The following TTC27 variants were observed in gnomAD, a reference collection of about 807,000 sequenced individuals.
TTC27 encodes the protein tetratricopeptide repeat domain 27.
In TTC27, 79 loss-of-function variants were observed where a neutral mutation model predicts 115.9. The ratio of observed to expected loss-of-function variants is 0.68; its 90% confidence interval spans 0.57 to 0.82. The LOEUF (loss-of-function observed/expected upper bound fraction) is 0.82, where lower values mean the gene tolerates loss of function less well. TTC27 is among the 40% of genes least tolerant of loss of function. The probability of loss-of-function intolerance (pLI) is 0.00; values close to 1 mark genes in which losing one functional copy is unlikely to be tolerated. For synonymous variants in TTC27, 401 were observed against 356.0 expected (o/e 1.13, Z -1.42); for missense variants, 1,054 against 993.1 (o/e 1.06, Z -0.82).
At chr2:32,812,835 T>C (rs1671362401) in intron 18 of TTC27, among the ~76,000 whole-genome samples, 1 of 152,224 alleles carries the variant, frequency 6.6e-6, no homozygotes, top group Admixed American at 6.5e-5. Flanking sequence ...TTATATTCTG[T>C]TGGAGTAAGT....
At chr2:32,645,466 A>C (rs1036446338) in intron 4 of TTC27, among the ~76,000 whole-genome samples, 1 of 152,172 alleles carries the variant, frequency 6.6e-6, no homozygotes, top group African/African-American at 2.4e-5. Context: ...CAGGAGATAA[A>C]ATCTAGAAAT....
At chr2:32,794,693 T>C (rs1175495556) in intron 16 of TTC27, among the ~76,000 whole-genome samples, 3 of 151,932 alleles carry the variant, frequency 2.0e-5, no homozygotes, top group Non-Finnish European at 4.4e-5. Context: ...AACCTTTAGA[T>C]AGATGGACTA....
chr2:32,674,863 T>C (rs771281282), intron 8 of TTC27, among the ~76,000 whole-genome samples: 31 of 152,052 alleles, frequency 2.0e-4, no homozygotes, highest in Non-Finnish European at 4.0e-4. Flanking sequence ...GGGGTTTCAC[T>C]GTGTTAGCCA....
chr2:32,758,931 A>T (rs1669339481), intron 13 of TTC27, among the ~76,000 whole-genome samples: 1 of 152,228 alleles, frequency 6.6e-6, no homozygotes, highest in South Asian at 2.1e-4. Context: ...GATAGCATAT[A>T]GAATGGATTC....
At chr2:32,747,323 T>C (rs941961241) in intron 12 of TTC27, among the ~76,000 whole-genome samples, 1 of 152,176 alleles carries the variant, frequency 6.6e-6, no homozygotes, top group African/African-American at 2.4e-5. Flanking sequence ...CCATCGTAAG[T>C]TGAAAATAAT....
chr2:32,761,231 T>C (rs1370310274), intron 13 of TTC27, among the ~76,000 whole-genome samples: 1 of 152,156 alleles, frequency 6.6e-6, no homozygotes, highest in Non-Finnish European at 1.5e-5. Context: ...TTAATTCCTC[T>C]TACCCGTATA....
intron 3 of TTC27, among the ~76,000 whole-genome samples, chr2:32,635,589 C>T (rs1444105273): frequency 6.6e-6 from 1 of 152,078 alleles, no homozygotes; most frequent in Admixed American, 6.5e-5. Flanking sequence ...GAGGCTGAGG[C>T]AGGACAATTG....
chr2:32,685,306 A>C (rs1352364943), intron 9 of TTC27, among the ~76,000 whole-genome samples: 1 of 152,132 alleles, frequency 6.6e-6, no homozygotes, highest in Non-Finnish European at 1.5e-5. Flanking sequence ...CTGGGATTGC[A>C]GGCATGAGCC....
At position 32,725,389 on chromosome 2, in the gene TTC27, A is replaced by G. The variant is rs924057379; in HGVS notation, c.1234-8439A>G. ...ATTGGGGTGCAGGCATTGGGTAAAT[A>G]CAGCCATTCCAAATGGGAGAAATTG... On this transcript the variant is annotated intron_variant, in intron 10 of 19. Coordinates refer to ENST00000317907, the MANE Select transcript of TTC27 (RefSeq NM_017735.5). Among the ~76,000 whole-genome samples the G allele has an allele frequency of 3.9e-5, 6 of 152,158 alleles. No homozygotes were observed. The East Asian group carries it at 1.2e-3, about 29-fold the overall frequency.
intron 16 of TTC27, among the ~76,000 whole-genome samples, chr2:32,805,393 T>A (rs918648440): frequency 2.0e-5 from 3 of 152,248 alleles, no homozygotes; most frequent in Non-Finnish European, 4.4e-5. Context: ...TCCAGCTTCA[T>A]GACTCACTTG....
intron 10 of TTC27, among the ~76,000 whole-genome samples, chr2:32,706,601 G>C (rs1667376837): frequency 6.6e-6 from 1 of 152,042 alleles, no homozygotes; most frequent in South Asian, 2.1e-4. Context: ...TGTTACTCTT[G>C]TCGCCCAGGC....
intron 16 of TTC27, among the ~76,000 whole-genome samples, chr2:32,798,407 A>G (rs7586733): frequency 0.17 from 24,572 of 145,760 alleles, 2,825 homozygotes; most frequent in African/African-American, 0.34. Context: ...CTCAAAAAAA[A>G]GAAAGAAAGA....
chr2:32,777,877 T>C lies in TTC27; in HGVS notation c.1681-5T>C. The stretch of plus-strand genomic sequence containing the variant: ...TTGAATGACTTTGACTTTTGGTCTT[T>C]GCAGCTCGGGGTGTGGTTTTCTCTC... On this transcript the variant is annotated splice_region_variant and splice_polypyrimidine_tract_variant and intron_variant, in intron 13 of 19. Coordinates refer to ENST00000317907, the MANE Select transcript of TTC27 (RefSeq NM_017735.5). 6.2e-7 allele frequency: 1 copy of C among 1,613,976 alleles called. No homozygotes were observed. Among genetic ancestry groups the C allele is most frequent in the Non-Finnish European group, 8.5e-7 (1 of 1,179,958 alleles).
In TTC27 at chr2:32,798,713, A is replaced by AAATAATAATAAT. The variant is rs200425222; in HGVS notation, c.1998+11579_1998+11590dup. Among the ~76,000 whole-genome samples the AAATAATAATAAT allele has an allele frequency of 8.4e-5, 12 of 142,354 alleles. No individual in the cohort carries two copies. The East Asian group carries it at 1.4e-3, about 17-fold the overall frequency. The allele number at this position is 142,354 out of a possible 152,430, so 93.4% of individuals were successfully genotyped here. On this transcript the variant is annotated intron_variant, in intron 16 of 19. Coordinates refer to ENST00000317907, the MANE Select transcript of TTC27 (RefSeq NM_017735.5). ...GAGCGAGACTCCAGCTCAAAAAAAA[A>AAATAATAATAAT]AATAATAATAATAATAATAATAATA...
At chr2:32,646,283 CT>C (rs1253718856) in intron 4 of TTC27, among the ~76,000 whole-genome samples, 7 of 151,996 alleles carry the variant, frequency 4.6e-5, no homozygotes, top group African/African-American at 1.7e-4. Context: ...CTGCCTTGGC[CT>C]CCCACAGTGC....
At chr2:32,641,895 G>T (rs1184681566) in intron 4 of TTC27, among the ~76,000 whole-genome samples, 1 of 152,078 alleles carries the variant, frequency 6.6e-6, no homozygotes, top group Non-Finnish European at 1.5e-5. Context: ...TCGCTCTGTA[G>T]CCCAGGCTGG....
chr2:32,670,997 C>G (rs1665995710), intron 7 of TTC27, among the ~76,000 whole-genome samples: 1 of 150,734 alleles, frequency 6.6e-6, no homozygotes, highest in Non-Finnish European at 1.5e-5. Flanking sequence ...ATGCAAGTCC[C>G]TTTTCAGATA....
chr2:32,633,439 G>A (rs1332681722), intron 2 of TTC27, among the ~76,000 whole-genome samples: 6 of 152,022 alleles, frequency 3.9e-5, no homozygotes, highest in Non-Finnish European at 8.8e-5. Flanking sequence ...GAGAGACAGG[G>A]TCTCGCTTTA....
intron 19 of TTC27, among the ~76,000 whole-genome samples, chr2:32,819,281 G>A (rs1019469272): frequency 7.9e-5 from 12 of 152,060 alleles, no homozygotes; most frequent in East Asian, 3.9e-4. Flanking sequence ...ATGAAAATGC[G>A]GCCCCAGAAC....
Sources: allele counts gnomAD v4.1 joint callset (sites outside exome capture counted in the v4.1 genomes callset), GRCh38; gene constraint gnomAD v4.1.1; transcripts MANE v1.5; gene names NCBI Gene and HGNC (gene_info 2026-07-23, HGNC 2026-07-21).